GPLD1: variants seen among roughly 807,000 people sequenced by gnomAD.
GPLD1 encodes the protein phosphatidylinositol-glycan-specific phospholipase D.
GPLD1 carries 84 observed loss-of-function variants against 112.6 expected under a neutral mutation model. That is an observed-to-expected ratio of 0.75 (90% CI 0.63 to 0.89). The LOEUF (loss-of-function observed/expected upper bound fraction) is 0.89. Among genes scored for constraint, GPLD1 ranks in the 40% least tolerant of loss-of-function variants. The pLI, the probability that GPLD1 is intolerant of heterozygous loss-of-function variation, is 0.00. For synonymous variants in GPLD1, 386 were observed against 403.8 expected, an observed-to-expected ratio of 0.96 and a Z score of 0.53; for missense variants, 1,044 against 1,051.5, an observed-to-expected ratio of 0.99 and a Z score of 0.10.
At chr6:24,486,910 T>C (rs1226252478) in intron 1 of GPLD1, among the ~76,000 whole-genome samples, 1 of 152,126 alleles carries the variant, frequency 6.6e-6, no homozygotes, top group Non-Finnish European at 1.5e-5. Flanking sequence ...ACCTATGGAC[T>C]GAACCAATGA....
At chr6:24,452,759 G>GT (rs35746336) in intron 14 of GPLD1, among the ~76,000 whole-genome samples, 32,730 of 143,382 alleles carry the variant, frequency 0.23, 3,905 homozygotes, top group Non-Finnish European at 0.26. Flanking sequence ...CTGGGCAACA[G>GT]TGAGAGTTTA....
chr6:24,462,525 G>A (rs1763469805), intron 11 of GPLD1, among the ~76,000 whole-genome samples: 2 of 152,142 alleles, frequency 1.3e-5, no homozygotes, highest in African/African-American at 4.8e-5. Flanking sequence ...TGGGAGTGTT[G>A]ATGTGCTTTT....
intron 1 of GPLD1, among the ~76,000 whole-genome samples, chr6:24,489,204 C>T (rs968813020): frequency 6.6e-6 from 1 of 152,174 alleles, no homozygotes; most frequent in African/African-American, 2.4e-5. Context: ...CATCAGCTCT[C>T]TTTCTTATTT....
chr6:24,454,636 A>G (rs1289548066), intron 13 of GPLD1, among the ~76,000 whole-genome samples: 1 of 150,622 alleles, frequency 6.6e-6, no homozygotes, highest in African/African-American at 2.4e-5. Flanking sequence ...GAAATAGACT[A>G]TGTTTTTACC....
chr6:24,476,315 A>G, intron 3 of GPLD1, 37 bp from the exon 4 acceptor site: 1 of 1,106,906 alleles, frequency 9.0e-7, no homozygotes, highest in Non-Finnish European at 1.3e-6. Flanking sequence ...ATTCTCTCTT[A>G]AAAGTTGGAG....
intron 20 of GPLD1, among the ~76,000 whole-genome samples, chr6:24,442,689 C>T (rs1386231880): frequency 6.6e-6 from 1 of 151,844 alleles, no homozygotes; most frequent in African/African-American, 2.4e-5. Flanking sequence ...CATGATCCAC[C>T]CACCTCAGCC....
chr6:24,461,657 T>A (rs570572626), intron 11 of GPLD1, among the ~76,000 whole-genome samples: 1 of 152,298 alleles, frequency 6.6e-6, no homozygotes, highest in Admixed American at 6.5e-5. Flanking sequence ...AACCCTCCTG[T>A]GCCCAGGCCA....
At chr6:24,440,429 G>A (rs1160596996) in intron 20 of GPLD1, among the ~76,000 whole-genome samples, 1 of 152,046 alleles carries the variant, frequency 6.6e-6, no homozygotes, top group Non-Finnish European at 1.5e-5. Context: ...GGGCAACAGA[G>A]CAAGACCCTA....
At chr6:24,453,867 AAACT>A in intron 14 of GPLD1, 144 bp downstream of exon 14, 1 of 609,372 alleles carries the variant, frequency 1.6e-6, no homozygotes, top group Non-Finnish European at 2.9e-6. Context: ...CATGCTTCTA[AAACT>A]AAAAAGTGCT....
intron 20 of GPLD1, among the ~76,000 whole-genome samples, chr6:24,442,673 T>C (rs1026295464): frequency 2.0e-5 from 3 of 151,840 alleles, no homozygotes; most frequent in African/African-American, 7.3e-5. Context: ...CTCGATCACC[T>C]GACCTCATGA....
Position 24,456,573 on chromosome 6 carries a change from G to A in GPLD1, c.1073C>T (p.Ser358Phe). The A allele has an allele frequency of 6.2e-7, 1 of 1,603,874 alleles. No individual in the cohort carries two copies. The highest frequency in any genetic ancestry group is 8.5e-7 in the Non-Finnish European group (1 of 1,170,716). Residue 358 changes from serine to phenylalanine, a missense_variant, in exon 13 of 25, where the codon TCT becomes TTT. By Grantham distance (155) the Ser-to-Phe change is radical. Coordinates refer to ENST00000230036, the MANE Select transcript of GPLD1 (RefSeq NM_001503.4). ...RNIRTMFIGG[S>F]QLSQKHVSSP... ...GGAGACGTGCTTTTGTGACAACTGA[G>A]AGCCACCTATGAACATTGTCCTTAT...
At chr6:24,448,933 A>C (rs1275645499) in intron 15 of GPLD1, among the ~76,000 whole-genome samples, 5 of 152,082 alleles carry the variant, frequency 3.3e-5, no homozygotes, top group Non-Finnish European at 5.9e-5. Flanking sequence ...ATGACAAATA[A>C]GACCAATCTC....
intron 12 of GPLD1, among the ~76,000 whole-genome samples, chr6:24,457,041 T>C (rs1763291821): frequency 1.3e-5 from 2 of 152,178 alleles, no homozygotes; most frequent in Admixed American, 1.3e-4. Context: ...CAGCTAATTT[T>C]TGTATTTTAG....
In GPLD1 at chr6:24,437,948, C is replaced by T. The variant is rs558560039; in HGVS notation, c.2021-659G>A. Reference sequence around the variant, plus strand: ...CCTGTGCTCCCATACATAATAACACCGAGTCCAGTGGGACTTTAGCTCTGG... The same window carrying T: ...CCTGTGCTCCCATACATAATAACACTGAGTCCAGTGGGACTTTAGCTCTGG... On this transcript the variant is annotated intron_variant, in intron 20 of 24. Transcript: ENST00000230036. Among the ~76,000 whole-genome samples the T allele has an allele frequency of 8.5e-5, 13 of 152,258 alleles. No homozygotes were observed. The South Asian group carries it at 2.5e-3, about 29-fold the overall frequency.
Position 24,467,251 on chromosome 6 carries a change from A to T in GPLD1, c.569T>A (p.Leu190Gln). The change falls in exon 8 of 25, where the codon CTG becomes CAG. Residue 190 changes from leucine to glutamine, a missense_variant. Transcript: ENST00000230036. ...ACCATACAGTTTCTCATAAATTCCCAGTAGATCTTTGACTGGCACATACCT... is the reference window on the plus strand; with the variant it reads ...ACCATACAGTTTCTCATAAATTCCCTGTAGATCTTTGACTGGCACATACCT... ...RRWYVPVKDL[L>Q]GIYEKLYGRK... The T allele has an allele frequency of 6.3e-7, 1 of 1,599,726 alleles. No homozygotes were observed. The highest frequency in any genetic ancestry group is 8.6e-7 in the Non-Finnish European group (1 of 1,166,890).
At chr6:24,437,897 C>T (rs564137791) in intron 20 of GPLD1, among the ~76,000 whole-genome samples, 19 of 152,166 alleles carry the variant, frequency 1.2e-4, no homozygotes, top group Non-Finnish European at 2.4e-4. Context: ...TTCCTAATCT[C>T]GCTGGTCTAG....
At chr6:24,488,141 C>T (rs1764437682) in intron 1 of GPLD1, among the ~76,000 whole-genome samples, 1 of 152,150 alleles carries the variant, frequency 6.6e-6, no homozygotes. Context: ...GGCGCGATGG[C>T]TCACGCCTGT....
chr6:24,447,375 A>T (rs1470365449), intron 17 of GPLD1, among the ~76,000 whole-genome samples: 1 of 152,070 alleles, frequency 6.6e-6, no homozygotes, highest in African/African-American at 2.4e-5. Context: ...GCATGGTGGC[A>T]TGCGCCTGTA....
chr6:24,487,880 A>C (rs1408064935), intron 1 of GPLD1, among the ~76,000 whole-genome samples: 2 of 152,174 alleles, frequency 1.3e-5, no homozygotes, highest in East Asian at 1.9e-4. Flanking sequence ...CTTAGCTGTA[A>C]AACTGTCTAG....
Sources: gnomAD v4.1 joint callset for allele counts (sites outside exome capture counted in the v4.1 genomes callset) on GRCh38, gnomAD v4.1.1 for gene constraint, MANE v1.5 for transcripts, NCBI Gene and HGNC (gene_info 2026-07-23, HGNC 2026-07-21) for gene names.